Variants in GRB10 observed in about 807,000 individuals in gnomAD.
The protein encoded by GRB10 is growth factor receptor bound protein 10, also known as growth factor receptor-bound protein 10.
A neutral mutation model predicts 80.9 loss-of-function variants in GRB10; 20 were observed. The observed-to-expected ratio is 0.25, with a 90% CI of 0.17 to 0.36. The LOEUF (loss-of-function observed/expected upper bound fraction) is 0.36. Among genes scored for constraint, GRB10 ranks in the 10% least tolerant of loss-of-function variants. GRB10 has a pLI of 1.00. For missense variants in GRB10, 548 were observed against 747.7 expected (o/e 0.73, Z 3.12); for synonymous variants, 291 against 291.5 (o/e 1.00, Z 0.02).
chr7:50,607,651 C>A (rs576782964), intron 13 of GRB10, among the ~76,000 whole-genome samples: 1 of 152,212 alleles, frequency 6.6e-6, no homozygotes, highest in Non-Finnish European at 1.5e-5. Flanking sequence ...GAGCACAGAA[C>A]TGAAGCACAG....
intron 7 of GRB10, among the ~76,000 whole-genome samples, chr7:50,635,961 C>CTTTT (rs1563237112): frequency 9.6e-6 from 1 of 104,310 alleles, no homozygotes; most frequent in African/African-American, 3.8e-5. Context: ...TTTTTCCTTT[C>CTTTT]CTTTTTTTTT....
intron 7 of GRB10, among the ~76,000 whole-genome samples, chr7:50,666,181 A>G (rs1430719091): frequency 6.6e-6 from 1 of 152,128 alleles, no homozygotes; most frequent in East Asian, 1.9e-4. Flanking sequence ...TAGACTACCA[A>G]CTACTCCATC....
At position 50,614,948 on chromosome 7, in the gene GRB10, A is replaced by AC; in HGVS notation, c.985-69dup. On this transcript the variant is annotated intron_variant, in intron 11 of 18. Transcript: ENST00000401949. Reference sequence around the variant, plus strand: ...GAGCAAATGTGTTCACCTCTGGTAGACAGAGGGCAGTCTCTGCACACTTAC... The same window carrying AC: ...GAGCAAATGTGTTCACCTCTGGTAGACCAGAGGGCAGTCTCTGCACACTTAC... The AC allele has an allele frequency of 4.2e-6, 4 of 962,864 alleles. No homozygotes were observed. The South Asian group carries it at 5.2e-5, about 12-fold the overall frequency. 59.6% of individuals were successfully genotyped at this position (962,864 alleles called of 1,614,324 possible). A position where few individuals can be genotyped will look rare whatever the true frequency, so the allele number is the denominator to read the frequency against.
intron 7 of GRB10, among the ~76,000 whole-genome samples, chr7:50,667,581 C>T (rs2059940024): frequency 6.6e-6 from 1 of 151,716 alleles, no homozygotes; most frequent in African/African-American, 2.4e-5. Context: ...TTGCTACCGA[C>T]TGCACTGAGA....
intron 8 of GRB10, among the ~76,000 whole-genome samples, chr7:50,623,712 G>T (rs562199750): frequency 6.6e-6 from 1 of 152,164 alleles, no homozygotes; most frequent in Non-Finnish European, 1.5e-5. Flanking sequence ...TTCCTTCTGG[G>T]TATAGAAAAG....
At chr7:50,595,771 G>A (rs1195677966) in intron 17 of GRB10, 2 of 473,490 alleles carry the variant, frequency 4.2e-6, no homozygotes, top group African/African-American at 4.0e-5. Flanking sequence ...GGGCTCCTTG[G>A]GGATATGCCT....
At chr7:50,604,644 A>G (rs1256303019) in intron 15 of GRB10, among the ~76,000 whole-genome samples, 1 of 152,254 alleles carries the variant, frequency 6.6e-6, no homozygotes, top group Non-Finnish European at 1.5e-5. Flanking sequence ...TGAAAACGCC[A>G]TGAACATCCT....
intron 3 of GRB10, among the ~76,000 whole-genome samples, chr7:50,735,646 A>G (rs979240112): frequency 6.6e-6 from 1 of 152,216 alleles, no homozygotes; most frequent in Non-Finnish European, 1.5e-5. Flanking sequence ...GGACTCTAAA[A>G]AGTTTATGAA....
intron 3 of GRB10, among the ~76,000 whole-genome samples, chr7:50,743,358 C>A (rs1166966476): frequency 6.6e-6 from 1 of 152,236 alleles, no homozygotes; most frequent in Non-Finnish European, 1.5e-5. Flanking sequence ...AGCCTCCCGA[C>A]AGAAAAGAGT....
rs1349528534 is a variant in GRB10 at position 50,604,301 on chromosome 7, C to T, written c.1456+10G>A. ...ATGTACAAAAACATCAGGCAATGTG[C>T]CCTGTTTACCTGTACTTAGGGTAGA... On this transcript the variant is annotated intron_variant, in intron 16 of 18. Transcript: ENST00000401949. The T allele has an allele frequency of 1.9e-6, 3 of 1,605,028 alleles. No homozygotes were observed. In the African/African-American group the frequency reaches 4.0e-5, roughly 21 times the overall value.
chr7:50,713,707 A>C (rs1587338747), intron 4 of GRB10, among the ~76,000 whole-genome samples: 1 of 78,744 alleles, frequency 1.3e-5, no homozygotes, highest in Admixed American at 1.4e-4. Context: ...CACCTCCTCC[A>C]TCCTCACCTC....
intron 4 of GRB10, among the ~76,000 whole-genome samples, chr7:50,722,470 G>A (rs1451593989): frequency 1.3e-5 from 2 of 152,188 alleles, no homozygotes; most frequent in African/African-American, 4.8e-5. Context: ...CCATGTGTTC[G>A]AAGATTTCAA....
intron 7 of GRB10, among the ~76,000 whole-genome samples, chr7:50,634,289 A>G (rs2054540260): frequency 6.6e-6 from 1 of 152,240 alleles, no homozygotes; most frequent in Admixed American, 6.5e-5. Context: ...ATTCTGCCAA[A>G]CTAAGCTTCA....
At chr7:50,711,206 A>G (rs1482267359) in intron 4 of GRB10, among the ~76,000 whole-genome samples, 1 of 149,392 alleles carries the variant, frequency 6.7e-6, no homozygotes, top group African/African-American at 2.5e-5. Flanking sequence ...AGATGAGAAC[A>G]GTGGATGAGA....
chr7:50,654,315 T>A (rs1330373386), intron 7 of GRB10, among the ~76,000 whole-genome samples: 1 of 152,202 alleles, frequency 6.6e-6, no homozygotes, highest in East Asian at 1.9e-4. Flanking sequence ...GATCCCGAGT[T>A]GTGAAAAACC....
chr7:50,624,533 T>C (rs1348178711), intron 8 of GRB10, among the ~76,000 whole-genome samples: 1 of 152,198 alleles, frequency 6.6e-6, no homozygotes, highest in Non-Finnish European at 1.5e-5. Flanking sequence ...AGTGATATGG[T>C]TGGGTCACAA....
chr7:50,682,013 G>A (rs1410862773), intron 5 of GRB10, among the ~76,000 whole-genome samples: 1 of 152,188 alleles, frequency 6.6e-6, no homozygotes, highest in Non-Finnish European at 1.5e-5. Context: ...AACAGAGCAG[G>A]AGATGGTAGG....
chr7:50,777,580 G>A lies in GRB10; in HGVS notation c.-217+3047C>T, dbSNP rs144061613. On this transcript the variant is annotated intron_variant, in intron 2 of 18. Transcript: ENST00000401949. ...CAGCTTTTTTTTTTAAGAGAGGACTGTATGAAAAAACTAGCCCATAAAGAT... is the reference window on the plus strand; with the variant it reads ...CAGCTTTTTTTTTTAAGAGAGGACTATATGAAAAAACTAGCCCATAAAGAT... 2.2e-4 allele frequency among the ~76,000 whole-genome samples: 34 copies of A among 151,722 alleles called. No individual in the cohort carries two copies. In the East Asian group the frequency reaches 5.2e-3, roughly 23 times the overall value.
intron 1 of GRB10, among the ~76,000 whole-genome samples, chr7:50,781,736 C>T (rs2078300873): frequency 6.6e-6 from 1 of 152,168 alleles, no homozygotes; most frequent in Admixed American, 6.5e-5. Context: ...ACAGGTGATC[C>T]GATTGTTTTT....
Sources: allele counts gnomAD v4.1 joint callset (sites outside exome capture counted in the v4.1 genomes callset), GRCh38; gene constraint gnomAD v4.1.1; transcripts MANE v1.5; gene names NCBI Gene and HGNC (gene_info 2026-07-23, HGNC 2026-07-21).